TXNDC2: variants seen among roughly 807,000 people sequenced by gnomAD.
TXNDC2 encodes thioredoxin domain-containing protein 2.
TXNDC2 carries 1 observed loss-of-function variant against 0.4 expected under a neutral mutation model. That is an observed-to-expected ratio of 2.30 (90% CI 0.82 to 10.89). The LOEUF (loss-of-function observed/expected upper bound fraction) is 10.89, where lower values mean the gene tolerates loss of function less well. Among genes scored for constraint, TXNDC2 ranks in the 30% most tolerant of loss-of-function variants. TXNDC2 has a pLI of 0.12. For missense variants in TXNDC2, 509 were observed against 579.8 expected (o/e 0.88, Z 1.25); for synonymous variants, 183 against 224.6 (o/e 0.81, Z 1.66).
At chr18:9,886,381 T>C (rs2068949251) in intron 1 of TXNDC2, 2 of 1,156,886 alleles carry the variant, frequency 1.7e-6, no homozygotes, top group Non-Finnish European at 1.3e-6. Flanking sequence ...CTTAAGAACA[T>C]GTATACAGAA....
At position 9,886,781 on chromosome 18, in the gene TXNDC2, A is replaced by T. The variant is rs924148333; in HGVS notation, c.101A>T (p.Gln34Leu). Residue 34 changes from glutamine to leucine, a missense_variant, in exon 2 of 2, where the codon CAG becomes CTG. Physicochemically the swap from Gln to Leu is moderately radical, Grantham distance 113. Coordinates refer to ENST00000357775, the MANE Select transcript of TXNDC2 (RefSeq NM_032243.6). ...KSSANTSHPK[Q>L]DDSPKSSEET... The stretch of plus-strand genomic sequence containing the variant: ...TCAGCAAACACCAGCCATCCCAAGC[A>T]GGATGACAGCCCCAAGTCCTCAGAA... The T allele has an allele frequency of 2.5e-6, 4 of 1,614,068 alleles. No homozygotes were observed. The highest frequency in any genetic ancestry group is 3.4e-6 in the Non-Finnish European group (4 of 1,180,000).
Position 9,887,334 on chromosome 18 carries a change from C to T in TXNDC2, c.654C>T (p.Ser218=), listed in dbSNP as rs188324499. Residue 218 remains serine (S), a synonymous_variant, in exon 2 of 2, where the codon TCC becomes TCT. Transcript: ENST00000357775. ...GCCAGCCCAAGGAGGGTGACATCTC[C>T]AAGTCCCCAGAAGAAGCCATCCAGC... ...KPSQPKEGDI[S]KSPEEAIQPK... is the part of the protein sequence containing the mutation. 1 of 1,590,766 alleles carries T rather than the reference C, an allele frequency of 6.3e-7. No homozygotes were observed. Among genetic ancestry groups the T allele is most frequent in the African/African-American group, 1.4e-5 (1 of 73,446 alleles).
chr18:9,887,383 T>C lies in TXNDC2; in HGVS notation c.703T>C (p.Ser235Pro). The C allele has an allele frequency of 6.8e-7, 1 of 1,477,276 alleles. No homozygotes were observed. Among genetic ancestry groups the C allele is most frequent in the South Asian group, 1.2e-5 (1 of 83,616 alleles). 91.5% of individuals were successfully genotyped at this position (1,477,276 alleles called of 1,614,324 possible). ...IQPKEGDLPK[S>P]LEEAIQPKEG... ...GCCCAAGGAGGGTGACCTCCCCAAG[T>C]CCCTAGAGGAAGCCATCCAGCCCAA... The change falls in exon 2 of 2, where the codon TCC becomes CCC. Residue 235 changes from serine (S) to proline (P), a missense_variant. By Grantham distance (74) the Ser-to-Pro change is moderately conservative (BLOSUM62 -1). Coordinates refer to ENST00000357775, the MANE Select transcript of TXNDC2 (RefSeq NM_032243.6).
Position 9,887,912 on chromosome 18 carries a change from C to T in TXNDC2, c.1232C>T (p.Thr411Met), listed in dbSNP as rs142043945. Residue 411 changes from threonine to methionine, a missense_variant, in exon 2 of 2, where the codon ACG (threonine) becomes ATG (methionine). Thr to Met is a moderately conservative substitution (Grantham distance 81, BLOSUM62 -1). This residue lies in a region of TXNDC2 where 229 missense variants were observed against 243.8 expected (regional missense o/e 0.94). Transcript: ENST00000357775. ...ERLVAVDFSA[T>M]WCGPCRTIRP... ...CTGGTGGCTGTGGACTTCTCGGCCA[C>T]GTGGTGTGGGCCCTGCAGGACCATC... 60 of 1,613,486 alleles carry T rather than the reference C, an allele frequency of 3.7e-5. No homozygotes were observed. The highest frequency in any genetic ancestry group is 2.3e-4 in the Admixed American group (14 of 59,970).
At position 9,886,680 on chromosome 18, in the gene TXNDC2, C is replaced by G. The variant is rs758773710; in HGVS notation, c.-1C>G. ...AGGCCAAAGAGAAGGCCTTTCTCCC[C>G]ATGGTCAGCCACACGTTCCACATGC... is the stretch of plus-strand genomic sequence containing the variant. On this transcript the variant is annotated 5_prime_UTR_variant, in exon 2 of 2. Coordinates refer to ENST00000357775, the MANE Select transcript of TXNDC2 (RefSeq NM_032243.6). 8 of 1,614,028 alleles carry G rather than the reference C, an allele frequency of 5.0e-6. No individual in the cohort carries two copies. The South Asian group carries it at 8.8e-5, about 18-fold the overall frequency.
chr18:9,888,023 G>A lies in TXNDC2; in HGVS notation c.1343G>A (p.Arg448Lys), dbSNP rs1321820266. Residue 448 changes from arginine (R) to lysine (K), a missense_variant, in exon 2 of 2, where the codon AGA becomes AAA. Physicochemically the swap from Arg to Lys is conservative, Grantham distance 26. Transcript: ENST00000357775. ...VDADNCEEVV[R>K]ECAIMCVPTF... is the part of the protein sequence containing the mutation. ...GCTGACAACTGTGAGGAGGTGGTGA[G>A]AGAGTGCGCCATCATGTGTGTCCCA... 1.2e-6 allele frequency: 2 copies of A among 1,614,124 alleles called. No individual in the cohort carries two copies. The highest frequency in any genetic ancestry group is 1.7e-6 in the Non-Finnish European group (2 of 1,180,050).
Sources: allele counts gnomAD v4.1 joint callset, GRCh38; gene constraint gnomAD v4.1.1; regional missense constraint gnomAD v4.1.1; transcripts MANE v1.5; gene names NCBI Gene and HGNC (gene_info 2026-07-23, HGNC 2026-07-21).